Variants in BORCS8 observed in about 807,000 individuals in gnomAD.
BORCS8 encodes the protein BLOC-1-related complex subunit 8.
In BORCS8, 13 loss-of-function variants were observed where a neutral mutation model predicts 18.7. That is an observed-to-expected ratio of 0.70 (90% CI 0.45 to 1.11). The LOEUF (loss-of-function observed/expected upper bound fraction) is 1.11, where lower values mean the gene tolerates loss of function less well. BORCS8 is among the 50% of genes least tolerant of loss of function. BORCS8 has a pLI of 0.00. For missense variants in BORCS8, 165 were observed against 165.7 expected (o/e 1.00, Z 0.02); for synonymous variants, 68 against 64.8 (o/e 1.05, Z -0.24).
chr19:19,180,928 C>T (rs1158649926), intron 4 of BORCS8, among the ~76,000 whole-genome samples, 167 bp from the exon 5 acceptor site: 1 of 152,196 alleles, frequency 6.6e-6, no homozygotes, highest in Admixed American at 6.5e-5. Context: ...GGAACGGTGG[C>T]TCACGCCTGT....
At chr19:19,178,236 A>G (rs1286467138) in intron 5 of BORCS8, 1 of 152,380 alleles carries the variant, frequency 6.6e-6, no homozygotes, top group Non-Finnish European at 1.5e-5. Context: ...CAGGAGCAGC[A>G]AAGCCACTTC....
chr19:19,186,116 G>A lies in BORCS8; in HGVS notation c.151-18C>T. 1 of 1,551,402 alleles carries A rather than the reference G, an allele frequency of 6.4e-7. No individual in the cohort carries two copies. The highest frequency in any genetic ancestry group is 2.4e-5 in the East Asian group (1 of 40,916). The stretch of plus-strand genomic sequence containing the variant: ...ATGTCTGCCTGTAGGGGGCGCAGGA[G>A]ATATTTGGCAAGGGAGGCCACCCCC... On this transcript the variant is annotated intron_variant, in intron 2 of 5. Coordinates refer to ENST00000462790, the MANE Select transcript of BORCS8 (RefSeq NM_001145784.2).
In BORCS8 at chr19:19,182,373, C is replaced by G. The variant is rs897485469; in HGVS notation, c.326+200G>C. On this transcript the variant is annotated intron_variant, in intron 4 of 5. Transcript: ENST00000462790. This position sits in a 1 kb window ranked among gnomAD's most constrained non-coding sequence, Gnocchi z 4.1. ...CCAGTGCCCAGCCCAGGGCCAGGCA[C>G]ACAGCAGAGCGCAGGACCTCGGTAT... 1.1e-5 allele frequency: 15 copies of G among 1,354,614 alleles called. No homozygotes were observed. In the African/African-American group the frequency reaches 2.1e-4, roughly 19 times the overall value. 83.9% of individuals were successfully genotyped at this position (1,354,614 alleles called of 1,614,324 possible). A position where few individuals can be genotyped will look rare whatever the true frequency, so the allele number is the denominator to read the frequency against.
intron 1 of BORCS8, among the ~76,000 whole-genome samples, chr19:19,190,255 A>G (rs2146433887): frequency 6.6e-6 from 1 of 152,228 alleles, no homozygotes; most frequent in East Asian, 1.9e-4. Flanking sequence ...AGCTTCTCTG[A>G]GCCTCAGCTT....
In BORCS8 at chr19:19,186,901, G is replaced by C; in HGVS notation, c.142C>G (p.Gln48Glu). ...AGCAGGCCCCAGCTCACCTTGTGCT[G>C]GGCCAGCTCGGGGAGGGAGCGACGC... ...HVRRSLPELA[Q>E]HKADMQRWEE... Residue 48 changes from glutamine (Q) to glutamate (E), a missense_variant, in exon 2 of 6, where the codon CAG (glutamine) becomes GAG (glutamate). Transcript: ENST00000462790. The C allele has an allele frequency of 6.5e-7, 1 of 1,547,974 alleles. No individual in the cohort carries two copies. The highest frequency in any genetic ancestry group is 8.7e-7 in the Non-Finnish European group (1 of 1,145,652).
intron 1 of BORCS8, among the ~76,000 whole-genome samples, chr19:19,188,009 G>C (rs994372983): frequency 6.7e-6 from 1 of 148,366 alleles, no homozygotes; most frequent in African/African-American, 2.6e-5. Context: ...TGCCTGGCTA[G>C]TTTTTTCATT....
rs1271632039 is a variant in BORCS8, at chr19:19,177,693, GAAGAGAAAAGA to G, written c.*43-244_*43-234del. On this transcript the variant is annotated intron_variant, in intron 5 of 5. Coordinates refer to ENST00000462790, the MANE Select transcript of BORCS8 (RefSeq NM_001145784.2). Reference sequence around the variant, plus strand: ...GGAAGGAAGGAAGGAAGGAAGGAAGGAAGAGAAAAGAAAAGAAAAGAAAAGAAAAGAAAAGA... The same window carrying G: ...GGAAGGAAGGAAGGAAGGAAGGAAGGAAAGAAAAGAAAAGAAAAGAAAAGA... 5.6e-3 allele frequency: 206 copies of G among 37,082 alleles called. 4 individuals are homozygous for G. Among genetic ancestry groups the G allele is most frequent in the Middle Eastern group, 0.012 (1 of 84 alleles). The allele number at this position is 37,082 out of a possible 1,614,324, so 2.3% of individuals were successfully genotyped here. A position where few individuals can be genotyped will look rare whatever the true frequency, so the allele number is the denominator to read the frequency against.
At chr19:19,184,505 T>C (rs978627305) in intron 3 of BORCS8, among the ~76,000 whole-genome samples, 5 of 152,012 alleles carry the variant, frequency 3.3e-5, no homozygotes, top group Admixed American at 6.6e-5. Context: ...GGTTTCACCG[T>C]GTTAGCCAGG....
intron 3 of BORCS8, among the ~76,000 whole-genome samples, chr19:19,185,165 C>G (rs971684549): frequency 7.2e-5 from 11 of 152,268 alleles, no homozygotes; most frequent in African/African-American, 1.7e-4. Context: ...CTTGTCTAGG[C>G]ACCTTCGCCC....
At chr19:19,180,485 G>A in intron 5 of BORCS8, 1 of 598,964 alleles carries the variant, frequency 1.7e-6, no homozygotes, top group Non-Finnish European at 3.0e-6. Context: ...TGGGAGAGAT[G>A]GGCTGACATG....
At chr19:19,183,279 G>A (rs972388917) in intron 3 of BORCS8, among the ~76,000 whole-genome samples, 10 of 151,936 alleles carry the variant, frequency 6.6e-5, no homozygotes, top group African/African-American at 1.9e-4. Context: ...GCGTGGTGGC[G>A]GCCGCCTGTA....
intron 3 of BORCS8, among the ~76,000 whole-genome samples, chr19:19,183,199 G>C (rs1470233779): frequency 6.6e-6 from 1 of 152,106 alleles, no homozygotes. Context: ...ATGAGGTCGG[G>C]AGGTCAAGAC....
intron 5 of BORCS8, chr19:19,180,484 T>G: frequency 3.4e-6 from 2 of 594,984 alleles, no homozygotes; most frequent in Non-Finnish European, 6.0e-6. Context: ...GTGGGAGAGA[T>G]GGGCTGACAT....
At chr19:19,183,511 T>C (rs987027725) in intron 3 of BORCS8, among the ~76,000 whole-genome samples, 1 of 152,098 alleles carries the variant, frequency 6.6e-6, no homozygotes, top group Non-Finnish European at 1.5e-5. Context: ...ATGAAAATGT[T>C]CTTTATCCAT....
chr19:19,192,013 C>T (rs1164869017), intron 1 of BORCS8, 68 bp downstream of exon 1: 3 of 1,539,246 alleles, frequency 1.9e-6, no homozygotes, highest in Admixed American at 2.0e-5. Flanking sequence ...CCTCCGCGCC[C>T]GGCCTTTGTC....
Position 19,182,500 on chromosome 19 carries a change from G to A in BORCS8, c.326+73C>T, listed in dbSNP as rs967801938. 14 of 1,505,112 alleles carry A rather than the reference G, an allele frequency of 9.3e-6. No homozygotes were observed. The highest frequency in any genetic ancestry group is 5.6e-5 in the African/African-American group (4 of 71,464). 93.2% of individuals were successfully genotyped at this position (1,505,112 alleles called of 1,614,324 possible). A position where few individuals can be genotyped will look rare whatever the true frequency, so the allele number is the denominator to read the frequency against. On this transcript the variant is annotated intron_variant, in intron 4 of 5. Coordinates refer to ENST00000462790, the MANE Select transcript of BORCS8 (RefSeq NM_001145784.2). The surrounding 1 kb of genome is among the most constrained non-coding windows in gnomAD (Gnocchi z 4.1). ...AGTTTTCTAATAAGCGAGAAGCAGCGGTTCCCAGCGCAGCTGAGAGACGGT... is the reference window on the plus strand; with the variant it reads ...AGTTTTCTAATAAGCGAGAAGCAGCAGTTCCCAGCGCAGCTGAGAGACGGT...
At chr19:19,188,037 A>AT (rs1470109760) in intron 1 of BORCS8, among the ~76,000 whole-genome samples, 2 of 144,916 alleles carry the variant, frequency 1.4e-5, no homozygotes, top group African/African-American at 2.7e-5. Context: ...TTATTTATTT[A>AT]TTATTATTTT....
chr19:19,181,460 A>T (rs2060348723), intron 4 of BORCS8, among the ~76,000 whole-genome samples: 1 of 152,254 alleles, frequency 6.6e-6, no homozygotes, highest in Non-Finnish European at 1.5e-5. Flanking sequence ...AGGTGTCAGC[A>T]GCAACTCAAG....
At chr19:19,189,493 G>T (rs2060445414) in intron 1 of BORCS8, among the ~76,000 whole-genome samples, 1 of 152,082 alleles carries the variant, frequency 6.6e-6, no homozygotes. Context: ...CGCCTTTCTT[G>T]CCCTGCATGT....
Sources: gnomAD v4.1 joint callset for allele counts (sites outside exome capture counted in the v4.1 genomes callset) on GRCh38, gnomAD v4.1.1 for gene constraint, Gnocchi (gnomAD v3.1) non-coding constraint, MANE v1.5 for transcripts, NCBI Gene and HGNC (gene_info 2026-07-23, HGNC 2026-07-21) for gene names.